GRID2: variants seen among roughly 807,000 people sequenced by gnomAD.
The protein encoded by GRID2 is glutamate receptor ionotropic, delta-2.
A neutral mutation model predicts 114.8 loss-of-function variants in GRID2; 33 were observed. The observed-to-expected ratio is 0.29, with a 90% CI of 0.22 to 0.38. GRID2 has a LOEUF of 0.38. Ranked by LOEUF, GRID2 falls within the 10% of genes least tolerant of loss-of-function variation. The probability of loss-of-function intolerance (pLI) is 1.00; values close to 1 mark genes in which losing one functional copy is unlikely to be tolerated. For synonymous variants in GRID2, 505 were observed against 449.9 expected, an observed-to-expected ratio of 1.12 and a Z score of -1.55; for missense variants, 1,184 against 1,257.7, an observed-to-expected ratio of 0.94 and a Z score of 0.89.
Position 92,505,826 on chromosome 4 carries a change from C to T in GRID2, c.89-84305C>T, listed in dbSNP as rs528996790. Among the ~76,000 whole-genome samples the T allele has an allele frequency of 2.4e-4, 36 of 152,030 alleles. No homozygotes were observed. In the South Asian group the frequency reaches 7.3e-3, roughly 31 times the overall value. On this transcript the variant is annotated intron_variant, in intron 1 of 15. Coordinates refer to ENST00000282020, the MANE Select transcript of GRID2 (RefSeq NM_001510.4). ...CAGCAGAGCTTTATATTGATATACA[C>T]TTCTAAATAAGTATTGTTCACAAAA...
chr4:93,240,405 T>C (rs891818882), intron 8 of GRID2, among the ~76,000 whole-genome samples: 6 of 151,584 alleles, frequency 4.0e-5, no homozygotes, highest in Non-Finnish European at 8.9e-5. Context: ...TCCTACATAT[T>C]TAGGCTCTTC....
intron 2 of GRID2, among the ~76,000 whole-genome samples, chr4:92,891,551 G>C (rs1187500895): frequency 6.6e-6 from 1 of 152,168 alleles, no homozygotes; most frequent in Non-Finnish European, 1.5e-5. Flanking sequence ...TTGTCACCTA[G>C]AGCTGAGCAG....
chr4:93,738,279 T>A (rs1225140479), intron 14 of GRID2, among the ~76,000 whole-genome samples: 2 of 152,126 alleles, frequency 1.3e-5, no homozygotes, highest in Admixed American at 1.3e-4. Context: ...GACTTTATAT[T>A]TTTTAGCAAG....
rs1232471315 is a variant in GRID2, at chr4:93,282,269, C to T, written c.1245+43779C>T. On this transcript the variant is annotated intron_variant, in intron 8 of 15. Coordinates refer to ENST00000282020, the MANE Select transcript of GRID2 (RefSeq NM_001510.4). ...GTTAACTTTTGTGTAAGTCTTATCTCAGGTAGTAAAAACAATTAAAAGTAC... is the reference window on the plus strand; with the variant it reads ...GTTAACTTTTGTGTAAGTCTTATCTTAGGTAGTAAAAACAATTAAAAGTAC... 1.2e-5 allele frequency: 4 copies of T among 321,616 alleles called. No homozygotes were observed. The Admixed American group carries it at 1.3e-4, about 10-fold the overall frequency. 19.9% of individuals were successfully genotyped at this position (321,616 alleles called of 1,614,324 possible).
chr4:92,659,675 G>T (rs183029898), intron 2 of GRID2, among the ~76,000 whole-genome samples: 85 of 151,528 alleles, frequency 5.6e-4, no homozygotes, highest in African/African-American at 2.0e-3. Flanking sequence ...GATGTGGGGG[G>T]AAAGTAAGTT....
chr4:93,419,872 T>C (rs530054854), intron 9 of GRID2, among the ~76,000 whole-genome samples: 108 of 152,228 alleles, frequency 7.1e-4, no homozygotes, highest in South Asian at 1.2e-3. Flanking sequence ...TAGTTATGAG[T>C]TAAAAATGAA....
chr4:92,614,217 T>C (rs1264390809), intron 2 of GRID2, among the ~76,000 whole-genome samples: 1 of 151,602 alleles, frequency 6.6e-6, no homozygotes, highest in African/African-American at 2.4e-5. Context: ...GCCAGCATCC[T>C]CAGTTCTACT....
intron 14 of GRID2, among the ~76,000 whole-genome samples, chr4:93,729,348 C>T (rs1214477731): frequency 6.6e-6 from 1 of 152,144 alleles, no homozygotes; most frequent in Admixed American, 6.5e-5. Context: ...TGAAAAACCT[C>T]TAAATTCAGA....
intron 1 of GRID2, among the ~76,000 whole-genome samples, chr4:92,423,710 G>T (rs1161221445): frequency 1.3e-5 from 2 of 151,926 alleles, no homozygotes; most frequent in African/African-American, 4.8e-5. Context: ...AATACTTTTG[G>T]CACTCCAGAA....
intron 2 of GRID2, among the ~76,000 whole-genome samples, chr4:92,681,307 C>T (rs567527171): frequency 2.1e-3 from 326 of 152,226 alleles, no homozygotes; most frequent in Non-Finnish European, 2.9e-3. Context: ...TGAAACTGTT[C>T]TTTATCAATA....
At chr4:92,729,453 AT>A (rs1422980199) in intron 2 of GRID2, among the ~76,000 whole-genome samples, 2 of 151,954 alleles carry the variant, frequency 1.3e-5, no homozygotes, top group Non-Finnish European at 1.5e-5. Flanking sequence ...TTGATTGATA[AT>A]TTTTTGAATA....
Position 92,773,752 on chromosome 4 carries a change from C to T in GRID2, c.244+183466C>T, listed in dbSNP as rs111868676. Among the ~76,000 whole-genome samples the T allele has an allele frequency of 1.5e-3, 234 of 151,872 alleles. 1 individual carries two copies. The highest frequency in any genetic ancestry group is 5.2e-3 in the African/African-American group (216 of 41,456). On this transcript the variant is annotated intron_variant, in intron 2 of 15. Coordinates refer to ENST00000282020, the MANE Select transcript of GRID2 (RefSeq NM_001510.4). ...AAAGAGGCCACAGTCACACTATATC[C>T]CTTAGCAATCATTTGGGAATAAAAG...
intron 1 of GRID2, among the ~76,000 whole-genome samples, chr4:92,352,137 C>T (rs1728097970): frequency 6.6e-6 from 1 of 151,858 alleles, no homozygotes; most frequent in Non-Finnish European, 1.5e-5. Context: ...TTTCCCTTTT[C>T]TCCACATCCT....
intron 2 of GRID2, among the ~76,000 whole-genome samples, chr4:92,802,776 T>C (rs1437036112): frequency 1.3e-5 from 2 of 151,962 alleles, no homozygotes; most frequent in Non-Finnish European, 2.9e-5. Flanking sequence ...AGTTTTCAAA[T>C]CAAGTAGGAA....
chr4:92,886,364 C>T (rs926686309), intron 2 of GRID2, among the ~76,000 whole-genome samples: 1 of 151,862 alleles, frequency 6.6e-6, no homozygotes. Context: ...GACACAAAAA[C>T]AGCAAGAGAG....
intron 2 of GRID2, among the ~76,000 whole-genome samples, chr4:92,927,095 A>G (rs987913143): frequency 1.3e-5 from 2 of 151,966 alleles, no homozygotes; most frequent in Admixed American, 6.6e-5. Flanking sequence ...TCTTTAAAAC[A>G]TCTTTCTAGT....
chr4:93,311,944 T>C (rs1756064071), intron 8 of GRID2, among the ~76,000 whole-genome samples: 1 of 152,034 alleles, frequency 6.6e-6, no homozygotes, highest in African/African-American at 2.4e-5. Flanking sequence ...GTTCAATAAT[T>C]TGGGATGAGA....
intron 2 of GRID2, among the ~76,000 whole-genome samples, chr4:92,932,352 C>T (rs1334067801): frequency 6.6e-6 from 1 of 151,276 alleles, no homozygotes; most frequent in African/African-American, 2.4e-5. Flanking sequence ...TGCACAACTA[C>T]AATGGCTTTT....
chr4:93,173,270 G>GT (rs1457727966), intron 4 of GRID2, among the ~76,000 whole-genome samples: 3 of 152,088 alleles, frequency 2.0e-5, no homozygotes, highest in Non-Finnish European at 4.4e-5. Context: ...GAAAAAAACA[G>GT]TCTTTTTTCC....
Sources: allele counts gnomAD v4.1 joint callset (sites outside exome capture counted in the v4.1 genomes callset), GRCh38; gene constraint gnomAD v4.1.1; transcripts MANE v1.5; gene names NCBI Gene and HGNC (gene_info 2026-07-23, HGNC 2026-07-21).